PALS1: variants seen among roughly 807,000 people sequenced by gnomAD.
PALS1 encodes the protein protein PALS1.
PALS1 carries 31 observed loss-of-function variants against 78.9 expected under a neutral mutation model. That is an observed-to-expected ratio of 0.39 (90% CI 0.30 to 0.53). The LOEUF (loss-of-function observed/expected upper bound fraction) is 0.53, where lower values mean the gene tolerates loss of function less well. Among genes scored for constraint, PALS1 ranks in the 20% least tolerant of loss-of-function variants. The pLI, the probability that PALS1 is intolerant of heterozygous loss-of-function variation, is 0.67. For synonymous variants in PALS1, 276 were observed against 270.9 expected, an observed-to-expected ratio of 1.02 and a Z score of -0.18; for missense variants, 704 against 826.5, an observed-to-expected ratio of 0.85 and a Z score of 1.82.
intron 14 of PALS1, among the ~76,000 whole-genome samples, chr14:67,331,184 A>T (rs190928259): frequency 1.3e-5 from 2 of 152,170 alleles, no homozygotes; most frequent in Non-Finnish European, 2.9e-5. Flanking sequence ...AGCTGGGATT[A>T]CAGATGTGCA....
chr14:67,264,097 G>A (rs1477354834), intron 1 of PALS1, among the ~76,000 whole-genome samples: 1 of 152,154 alleles, frequency 6.6e-6, no homozygotes, highest in East Asian at 1.9e-4. Flanking sequence ...TATAAGGTTG[G>A]TGTAAGGATT....
chr14:67,268,609 G>A (rs527790652), intron 1 of PALS1, among the ~76,000 whole-genome samples: 2 of 152,300 alleles, frequency 1.3e-5, no homozygotes, highest in African/African-American at 4.8e-5. Flanking sequence ...ACTTCCTAAC[G>A]TTGCCATGGC....
chr14:67,292,929 AAG>A (rs547197218), intron 4 of PALS1, among the ~76,000 whole-genome samples: 15 of 152,194 alleles, frequency 9.9e-5, no homozygotes, highest in African/African-American at 1.4e-4. Context: ...CTGTTTCATG[AAG>A]AGTTAATTTT....
At chr14:67,277,880 T>C (rs537061228) in intron 2 of PALS1, among the ~76,000 whole-genome samples, 2 of 152,254 alleles carry the variant, frequency 1.3e-5, no homozygotes, top group African/African-American at 4.8e-5. Flanking sequence ...TGGTCTTAAG[T>C]CATAAAACTA....
At chr14:67,326,220 G>GTTTTTT (rs1344517448) in intron 14 of PALS1, among the ~76,000 whole-genome samples, 1 of 30,344 alleles carries the variant, frequency 3.3e-5, no homozygotes, top group Non-Finnish European at 6.5e-5. Flanking sequence ...ATTTAGGTCT[G>GTTTTTT]ATTTTTTTTT....
chr14:67,254,838 A>G (rs1230017289), intron 1 of PALS1, among the ~76,000 whole-genome samples: 2 of 152,216 alleles, frequency 1.3e-5, no homozygotes, highest in Non-Finnish European at 2.9e-5. Context: ...AGTAAGCTGT[A>G]AATCACTTGA....
intron 1 of PALS1, among the ~76,000 whole-genome samples, chr14:67,252,739 G>A (rs149875756): frequency 1.3e-5 from 2 of 152,238 alleles, no homozygotes; most frequent in Non-Finnish European, 2.9e-5. Flanking sequence ...GCTCGGAATG[G>A]CACATAGTAG....
At chr14:67,265,501 G>A (rs931623520) in intron 1 of PALS1, among the ~76,000 whole-genome samples, 2 of 152,152 alleles carry the variant, frequency 1.3e-5, no homozygotes, top group Non-Finnish European at 2.9e-5. Flanking sequence ...GCTACAGTGA[G>A]CTGTGATTAT....
At chr14:67,312,746 A>G in intron 9 of PALS1, 36 bp downstream of exon 9, 1 of 1,417,636 alleles carries the variant, frequency 7.1e-7, no homozygotes, top group South Asian at 1.7e-5. Flanking sequence ...CATAATATTA[A>G]AAGAACATTG....
chr14:67,330,185 C>G (rs1356009063), intron 14 of PALS1, among the ~76,000 whole-genome samples: 1 of 149,568 alleles, frequency 6.7e-6, no homozygotes, highest in Non-Finnish European at 1.5e-5. Context: ...AAGGAATAAT[C>G]AGACACTTTA....
At chr14:67,245,695 G>A (rs1462039411) in intron 1 of PALS1, among the ~76,000 whole-genome samples, 1 of 151,828 alleles carries the variant, frequency 6.6e-6, no homozygotes, top group African/African-American at 2.4e-5. Flanking sequence ...GATTTACGAA[G>A]GTTTTCTTCC....
chr14:67,279,034 CT>C lies in PALS1; in HGVS notation c.-132del. The C allele has an allele frequency of 1.3e-6, 1 of 775,246 alleles. No individual in the cohort carries two copies. The highest frequency in any genetic ancestry group is 1.9e-6 in the Non-Finnish European group (1 of 540,092). The allele number at this position is 775,246 out of a possible 1,614,324, so 48.0% of individuals were successfully genotyped here. ...TCCCCTTAGATTTCCTTCATGGATA[CT>C]TTTTCATAGCATTATTATGTGATGT... On this transcript the variant is annotated 5_prime_UTR_variant, in exon 3 of 15. The change abolishes the stop of an existing upstream ORF in the 5' untranslated region. Coordinates refer to ENST00000261681, the MANE Select transcript of PALS1 (RefSeq NM_022474.4).
intron 6 of PALS1, 144 bp from the exon 7 acceptor site, chr14:67,302,266 A>T (rs2084941949): frequency 9.2e-7 from 1 of 1,091,564 alleles, no homozygotes; most frequent in South Asian, 2.5e-5. Flanking sequence ...ATCTAATTAC[A>T]ATTACTCTAG....
At chr14:67,310,157 A>C (rs993894273) in intron 8 of PALS1, among the ~76,000 whole-genome samples, 4 of 152,076 alleles carry the variant, frequency 2.6e-5, no homozygotes, top group African/African-American at 9.7e-5. Flanking sequence ...CTTTTTGCTC[A>C]ATCTCTTAAC....
chr14:67,281,637 A>G (rs2084610380), intron 3 of PALS1, among the ~76,000 whole-genome samples: 1 of 152,088 alleles, frequency 6.6e-6, no homozygotes, highest in Non-Finnish European at 1.5e-5. Context: ...GTATTTGTCC[A>G]TTTGGTTTAC....
intron 1 of PALS1, among the ~76,000 whole-genome samples, chr14:67,243,310 C>T (rs540460415): frequency 2.0e-5 from 3 of 151,492 alleles, no homozygotes; most frequent in East Asian, 1.9e-4. Context: ...CTCTCAGCCT[C>T]CCGACTAGCT....
At chr14:67,273,682 T>C (rs1290192000) in intron 2 of PALS1, among the ~76,000 whole-genome samples, 1 of 152,214 alleles carries the variant, frequency 6.6e-6, no homozygotes, top group Non-Finnish European at 1.5e-5. Context: ...GTTCTAGATC[T>C]CTGAGGAATT....
chr14:67,285,470 C>A (rs1171343618), intron 3 of PALS1, among the ~76,000 whole-genome samples: 3 of 151,704 alleles, frequency 2.0e-5, no homozygotes, highest in Admixed American at 1.3e-4. Context: ...AGGTTCACAC[C>A]ATTCTCCTGC....
rs36207191 is a variant in PALS1, at chr14:67,284,547, TAAAAAAAAAAAAAAAAAAAAA to T, written c.367+5031_367+5051del. Among the ~76,000 whole-genome samples, 172 of 23,290 alleles carry T rather than the reference TAAAAAAAAAAAAAAAAAAAAA, an allele frequency of 7.4e-3. 1 individual carries two copies. Among genetic ancestry groups the T allele is most frequent in the African/African-American group, 0.017 (134 of 8,090 alleles). The allele number at this position is 23,290 out of a possible 152,430, so 15.3% of individuals were successfully genotyped here. ...GCCCAGGAGATCGAGGCTGCAGTGCTAAAAAAAAAAAAAAAAAAAAAAAAAAAAAAAAAAAAAAAAAGGTTG... is the reference window on the plus strand; with the variant it reads ...GCCCAGGAGATCGAGGCTGCAGTGCTAAAAAAAAAAAAAAAAAAAAGGTTG... On this transcript the variant is annotated intron_variant, in intron 3 of 14. Transcript: ENST00000261681.
Sources: gnomAD v4.1 joint callset for allele counts (sites outside exome capture counted in the v4.1 genomes callset) on GRCh38, gnomAD v4.1.1 for gene constraint, MANE v1.5 for transcripts, NCBI Gene and HGNC (gene_info 2026-07-23, HGNC 2026-07-21) for gene names.